The following CORIN variants were observed in gnomAD, a reference collection of about 807,000 sequenced individuals.
CORIN encodes the protein corin, serine peptidase.
In CORIN, 117 loss-of-function variants were observed where a neutral mutation model predicts 125.3. The ratio of observed to expected loss-of-function variants is 0.93; its 90% CI spans 0.80 to 1.09. The LOEUF (loss-of-function observed/expected upper bound fraction) is 1.09, where lower values mean the gene tolerates loss of function less well. Ranked by LOEUF, CORIN falls within the 50% of genes least tolerant of loss-of-function variation. The pLI is 0.00. For synonymous variants in CORIN, 450 were observed against 466.4 expected, an observed-to-expected ratio of 0.96 and a Z score of 0.45; for missense variants, 1,253 against 1,306.7, an observed-to-expected ratio of 0.96 and a Z score of 0.63.
At chr4:47,661,243 T>A (rs1197509265) in intron 12 of CORIN, among the ~76,000 whole-genome samples, 1 of 152,152 alleles carries the variant, frequency 6.6e-6, no homozygotes, top group Middle Eastern at 3.2e-3. Context: ...TTAGATAGAA[T>A]GAATAAGATC....
intron 4 of CORIN, among the ~76,000 whole-genome samples, chr4:47,751,290 G>A (rs940377362): frequency 6.6e-6 from 1 of 152,126 alleles, no homozygotes; most frequent in Non-Finnish European, 1.5e-5. Flanking sequence ...TAGCTCAGGG[G>A]TAGAGCATTT....
intron 19 of CORIN, among the ~76,000 whole-genome samples, chr4:47,614,459 A>T (rs1721996916): frequency 6.6e-6 from 1 of 152,184 alleles, no homozygotes. Context: ...TCAGCCTCCC[A>T]AAGTGCTGGG....
At chr4:47,790,544 A>G (rs987733156) in intron 2 of CORIN, among the ~76,000 whole-genome samples, 1 of 152,162 alleles carries the variant, frequency 6.6e-6, no homozygotes. Flanking sequence ...CTGTGTAACA[A>G]GAGCCCAGCT....
intron 3 of CORIN, among the ~76,000 whole-genome samples, chr4:47,764,276 A>T (rs767269623): frequency 3.9e-5 from 6 of 152,198 alleles, no homozygotes; most frequent in Non-Finnish European, 5.9e-5. Context: ...CTATGTCAAC[A>T]GTTCAGGAGC....
rs201847788 is a variant in CORIN at position 47,641,992 on chromosome 4, G to A, written c.2126C>T (p.Thr709Ile). 2.6e-4 allele frequency: 413 copies of A among 1,613,482 alleles called. 1 individual carries two copies. The highest frequency in any genetic ancestry group is 6.7e-5 in the Non-Finnish European group (79 of 1,179,658). ...SSFLMVHRAA[T>I]EHHVCADGWQ... ...GCCATCTGCACACACATGGTGTTCT[G>A]TGGCAGCTCTGTGAACCATCAGAAA... is the stretch of plus-strand genomic sequence containing the variant. The change falls in exon 16 of 22, where the codon ACA (threonine) becomes ATA (isoleucine). Residue 709 changes from threonine (T) to isoleucine (I), a missense_variant. Physicochemically the swap from Thr to Ile is moderately conservative, Grantham distance 89 (BLOSUM62 -1). Transcript: ENST00000273857.
intron 2 of CORIN, among the ~76,000 whole-genome samples, chr4:47,789,126 C>T (rs1041330234): frequency 6.6e-6 from 1 of 151,846 alleles, no homozygotes; most frequent in African/African-American, 2.4e-5. Context: ...CGCGTGAAAC[C>T]CCGTCTCTAC....
chr4:47,661,596 T>C (rs1003398573), intron 12 of CORIN, 115 bp downstream of exon 12: 7 of 1,015,172 alleles, frequency 6.9e-6, no homozygotes, highest in African/African-American at 1.6e-5. Context: ...AGCAGCCTGA[T>C]TGGAAACTAA....
At chr4:47,642,775 G>C in intron 15 of CORIN, 1 of 1,300,864 alleles carries the variant, frequency 7.7e-7, no homozygotes, top group Non-Finnish European at 1.0e-6. Flanking sequence ...GGAAGGCAGA[G>C]GGGCCACTTG....
At chr4:47,726,853 T>C (rs1443117724) in intron 5 of CORIN, among the ~76,000 whole-genome samples, 1 of 152,058 alleles carries the variant, frequency 6.6e-6, no homozygotes, top group Non-Finnish European at 1.5e-5. Context: ...GATAAATATA[T>C]ATTTAAAGCA....
At chr4:47,758,903 C>T (rs1463158503) in intron 4 of CORIN, among the ~76,000 whole-genome samples, 2 of 152,176 alleles carry the variant, frequency 1.3e-5, no homozygotes, top group Non-Finnish European at 2.9e-5. Flanking sequence ...AAATCTCCTT[C>T]GTTTGTAAAT....
At chr4:47,718,032 C>A (rs1727183449) in intron 5 of CORIN, among the ~76,000 whole-genome samples, 1 of 152,186 alleles carries the variant, frequency 6.6e-6, no homozygotes, top group Admixed American at 6.5e-5. Flanking sequence ...GCACAGTATT[C>A]CCAGTAGGAA....
At chr4:47,692,644 T>A (rs1266485938) in intron 6 of CORIN, among the ~76,000 whole-genome samples, 5 of 151,954 alleles carry the variant, frequency 3.3e-5, no homozygotes, top group African/African-American at 4.8e-5. Flanking sequence ...TGTCCTTTTT[T>A]AAAAAAAATT....
At chr4:47,610,831 C>T (rs1178712588) in intron 19 of CORIN, among the ~76,000 whole-genome samples, 2 of 152,146 alleles carry the variant, frequency 1.3e-5, no homozygotes, top group African/African-American at 2.4e-5. Flanking sequence ...TCTCCCAGCA[C>T]CATTTATTAA....
chr4:47,781,189 C>T (rs1489700649), intron 3 of CORIN, among the ~76,000 whole-genome samples: 1 of 152,132 alleles, frequency 6.6e-6, no homozygotes, highest in African/African-American at 2.4e-5. Flanking sequence ...ACCACAGACT[C>T]ACTTTAGATT....
intron 3 of CORIN, among the ~76,000 whole-genome samples, chr4:47,775,439 A>G (rs1385037587): frequency 6.6e-6 from 1 of 151,918 alleles, no homozygotes; most frequent in Non-Finnish European, 1.5e-5. Context: ...TCATTGTTCA[A>G]TTCCCACCTA....
intron 8 of CORIN, among the ~76,000 whole-genome samples, chr4:47,678,266 T>C (rs1279664481): frequency 1.3e-5 from 2 of 152,246 alleles, no homozygotes; most frequent in Non-Finnish European, 2.9e-5. Context: ...AACTGTGTGA[T>C]TGTTTTTAGT....
chr4:47,655,797 C>T (rs574487167), intron 12 of CORIN, among the ~76,000 whole-genome samples: 48 of 143,462 alleles, frequency 3.3e-4, no homozygotes, highest in Non-Finnish European at 5.8e-4. Flanking sequence ...AAAATCTGAA[C>T]AGAACAATAA....
At chr4:47,600,688 G>C in intron 20 of CORIN, among the ~76,000 whole-genome samples, 1 of 152,290 alleles carries the variant, frequency 6.6e-6, no homozygotes, top group South Asian at 2.1e-4. Context: ...CCAGAGCTCT[G>C]CTGGCTGCCA....
At chr4:47,653,710 G>T in intron 12 of CORIN, 50 bp from the exon 13 acceptor site, 1 of 1,456,228 alleles carries the variant, frequency 6.9e-7, no homozygotes, top group Non-Finnish European at 9.6e-7. Flanking sequence ...AGAAACATCA[G>T]CTAATTTATG....
Sources: allele counts gnomAD v4.1 joint callset (sites outside exome capture counted in the v4.1 genomes callset), GRCh38; gene constraint gnomAD v4.1.1; transcripts MANE v1.5; gene names NCBI Gene and HGNC (gene_info 2026-07-23, HGNC 2026-07-21).